Variants in TYR observed in about 807,000 individuals in gnomAD.
The protein encoded by TYR is tyrosinase.
A neutral mutation model predicts 51.5 loss-of-function variants in TYR; 58 were observed. The ratio of observed to expected loss-of-function variants is 1.13; its 90% CI spans 0.91 to 1.40. TYR has a LOEUF of 1.40. Among genes scored for constraint, TYR ranks in the 40% most tolerant of loss-of-function variants. The pLI, the probability that TYR is intolerant of heterozygous loss-of-function variation, is 0.00. For synonymous variants in TYR, 263 were observed against 235.2 expected (o/e 1.12, Z -1.08); for missense variants, 732 against 647.4 (o/e 1.13, Z -1.42).
intron 2 of TYR, among the ~76,000 whole-genome samples, chr11:89,216,181 TAAAC>T (rs1943829940): frequency 1.3e-5 from 2 of 152,186 alleles, no homozygotes; most frequent in Admixed American, 1.3e-4. Flanking sequence ...AGTGTATAAA[TAAAC>T]AGAAGAAAAT....
chr11:89,192,716 T>C (rs1389171459), intron 2 of TYR, among the ~76,000 whole-genome samples: 1 of 152,156 alleles, frequency 6.6e-6, no homozygotes, highest in Admixed American at 6.6e-5. Flanking sequence ...TCTATGGTAA[T>C]ATTCATGATT....
At chr11:89,272,873 G>A (rs1189337577) in intron 3 of TYR, among the ~76,000 whole-genome samples, 3 of 151,924 alleles carry the variant, frequency 2.0e-5, no homozygotes, top group African/African-American at 7.2e-5. Context: ...ACAACTGCCA[G>A]ATTCAAACTT....
intron 2 of TYR, among the ~76,000 whole-genome samples, chr11:89,216,968 T>C (rs1315794106): frequency 2.0e-5 from 3 of 152,184 alleles, no homozygotes; most frequent in Non-Finnish European, 4.4e-5. Context: ...TGGCCATGTG[T>C]CCAACAACAT....
At position 89,262,860 on chromosome 11, in the gene TYR, A is replaced by ACAAAC. The variant is rs1160151302; in HGVS notation, c.1185-21913_1185-21912insCAAAC. Among the ~76,000 whole-genome samples the ACAAAC allele has an allele frequency of 3.3e-3, 476 of 144,076 alleles. 4 individuals carry two copies. The highest frequency in any genetic ancestry group is 0.012 in the African/African-American group (455 of 37,662). 94.5% of individuals were successfully genotyped at this position (144,076 alleles called of 152,430 possible). A position where few individuals can be genotyped will look rare whatever the true frequency, so the allele number is the denominator to read the frequency against. The stretch of plus-strand genomic sequence containing the variant: ...AAGCTACTCATCCAAAAAAAAAAAA[A>ACAAAC]AAAAAAAAAAAACAACAACAACAAC... On this transcript the variant is annotated intron_variant, in intron 3 of 4. Coordinates refer to ENST00000263321, the MANE Select transcript of TYR (RefSeq NM_000372.5).
At chr11:89,197,869 T>C (rs1943543853) in intron 2 of TYR, among the ~76,000 whole-genome samples, 1 of 151,206 alleles carries the variant, frequency 6.6e-6, no homozygotes, top group Non-Finnish European at 1.5e-5. Context: ...TTTCTCTTCA[T>C]ATAACAGCAC....
intron 3 of TYR, among the ~76,000 whole-genome samples, chr11:89,261,427 CA>C (rs1565416285): frequency 3.3e-5 from 5 of 151,858 alleles, no homozygotes; most frequent in African/African-American, 9.7e-5. Context: ...TAATACCAGA[CA>C]AAACAGACTT....
At chr11:89,211,222 T>A (rs756143140) in intron 2 of TYR, among the ~76,000 whole-genome samples, 1 of 152,108 alleles carries the variant, frequency 6.6e-6, no homozygotes, top group Non-Finnish European at 1.5e-5. Context: ...CCATCTCACG[T>A]GCAAAGACAC....
chr11:89,237,318 C>T (rs1270312333), intron 3 of TYR, among the ~76,000 whole-genome samples: 1 of 152,096 alleles, frequency 6.6e-6, no homozygotes, highest in Non-Finnish European at 1.5e-5. Flanking sequence ...TTTCTTCTAG[C>T]AGTTTCACAG....
chr11:89,262,870 A>AAAAAAAC (rs1944477678), intron 3 of TYR, among the ~76,000 whole-genome samples: 1 of 140,718 alleles, frequency 7.1e-6, no homozygotes, highest in African/African-American at 2.8e-5. Context: ...AAAAAAAAAA[A>AAAAAAAC]AACAACAACA....
intron 1 of TYR, among the ~76,000 whole-genome samples, chr11:89,189,068 C>T (rs1345699992): frequency 6.6e-6 from 1 of 152,108 alleles, no homozygotes; most frequent in African/African-American, 2.4e-5. Flanking sequence ...TTATTTTAAC[C>T]TAGAACCTAC....
At chr11:89,254,064 C>T (rs1944360858) in intron 3 of TYR, among the ~76,000 whole-genome samples, 1 of 151,712 alleles carries the variant, frequency 6.6e-6, no homozygotes, top group Non-Finnish European at 1.5e-5. Context: ...AGTACATTTT[C>T]TGCATCTATT....
At chr11:89,225,060 T>C (rs975514084) in intron 2 of TYR, among the ~76,000 whole-genome samples, 2 of 152,108 alleles carry the variant, frequency 1.3e-5, no homozygotes, top group African/African-American at 4.8e-5. Context: ...TTCTTGGCAG[T>C]TATTTATTTT....
At chr11:89,214,061 G>T (rs1943798665) in intron 2 of TYR, among the ~76,000 whole-genome samples, 1 of 152,134 alleles carries the variant, frequency 6.6e-6, no homozygotes, top group Non-Finnish European at 1.5e-5. Flanking sequence ...AAAAGCAATG[G>T]CAACAAAAGC....
chr11:89,235,584 C>G (rs942134599), intron 3 of TYR, among the ~76,000 whole-genome samples: 1 of 152,030 alleles, frequency 6.6e-6, no homozygotes, highest in African/African-American at 2.4e-5. Flanking sequence ...AGACAAGTAA[C>G]CACATAATCT....
intron 2 of TYR, among the ~76,000 whole-genome samples, chr11:89,196,733 C>T (rs531734545): frequency 1.3e-5 from 2 of 152,106 alleles, no homozygotes; most frequent in South Asian, 2.1e-4. Context: ...ATATTCAGTC[C>T]GACATCCCAC....
chr11:89,245,847 G>A (rs1335307440), intron 3 of TYR, among the ~76,000 whole-genome samples: 1 of 151,946 alleles, frequency 6.6e-6, no homozygotes, highest in Non-Finnish European at 1.5e-5. Context: ...GAGTGAACCT[G>A]GAGGCGGAGC....
At chr11:89,178,866 T>G in intron 1 of TYR, 94 bp downstream of exon 1, 1 of 1,269,042 alleles carries the variant, frequency 7.9e-7, no homozygotes, top group Non-Finnish European at 1.1e-6. Flanking sequence ...GAACACTCAT[T>G]GCAGCCCCCA....
At chr11:89,218,858 T>C (rs1943870247) in intron 2 of TYR, among the ~76,000 whole-genome samples, 1 of 152,128 alleles carries the variant, frequency 6.6e-6, no homozygotes, top group Admixed American at 6.6e-5. Context: ...TCCTCAAGTG[T>C]TCCAAATAGA....
chr11:89,265,484 T>C (rs1182226713), intron 3 of TYR, among the ~76,000 whole-genome samples: 1 of 152,084 alleles, frequency 6.6e-6, no homozygotes, highest in African/African-American at 2.4e-5. Flanking sequence ...ATTTTACTAC[T>C]AATCACTTGG....
Sources: gnomAD v4.1 joint callset for allele counts (sites outside exome capture counted in the v4.1 genomes callset) on GRCh38, gnomAD v4.1.1 for gene constraint, MANE v1.5 for transcripts, NCBI Gene and HGNC (gene_info 2026-07-23, HGNC 2026-07-21) for gene names.